Variants in SEC13 observed in about 807,000 individuals in gnomAD.
SEC13 encodes the protein protein SEC13 homolog.
SEC13 carries 25 observed loss-of-function variants against 49.2 expected under a neutral mutation model. The ratio of observed to expected loss-of-function variants is 0.51; its 90% CI spans 0.37 to 0.71. SEC13 has a LOEUF of 0.71. SEC13 is among the 30% of genes least tolerant of loss of function. SEC13 has a pLI of 0.00. For missense variants in SEC13, 383 were observed against 417.6 expected, an observed-to-expected ratio of 0.92 and a Z score of 0.72; for synonymous variants, 148 against 163.9, an observed-to-expected ratio of 0.90 and a Z score of 0.74.
rs59439998 is a variant in SEC13, at chr3:10,301,206, C to G, written c.*55G>C. On this transcript the variant is annotated 3_prime_UTR_variant, in exon 9 of 9. Transcript: ENST00000350697. ...TTCCCAGTTGTCTGGTTAGTTGGCCCAGGAAGGGGCAGTCCTGGAGCTGGC... is the reference window on the plus strand; with the variant it reads ...TTCCCAGTTGTCTGGTTAGTTGGCCGAGGAAGGGGCAGTCCTGGAGCTGGC... The G allele has an allele frequency of 2.5e-4, 406 of 1,613,964 alleles. 2 individuals carry two copies. In the African/African-American group the frequency reaches 4.9e-3, roughly 19 times the overall value.
At chr3:10,306,386 G>A (rs553265869) in intron 5 of SEC13, among the ~76,000 whole-genome samples, 1 of 152,270 alleles carries the variant, frequency 6.6e-6, no homozygotes, top group Admixed American at 6.5e-5. Context: ...GATCCCTTTG[G>A]CAAGACTAGA....
intron 5 of SEC13, among the ~76,000 whole-genome samples, chr3:10,306,993 C>A (rs773522847): frequency 2.0e-5 from 3 of 152,170 alleles, no homozygotes; most frequent in African/African-American, 4.8e-5. Context: ...TTGATTCTTT[C>A]TGAACTGGTT....
At position 10,315,302 on chromosome 3, in the gene SEC13, T is replaced by G. The variant is rs1701531625; in HGVS notation, c.164+19A>C. 1.9e-6 allele frequency: 3 copies of G among 1,575,708 alleles called. No individual in the cohort carries two copies. The highest frequency in any genetic ancestry group is 2.6e-6 in the Non-Finnish European group (3 of 1,145,732). On this transcript the variant is annotated intron_variant, in intron 3 of 8. Coordinates refer to ENST00000350697, the MANE Select transcript of SEC13 (RefSeq NM_183352.3). ...CCACACCATTCCTGGAGCCCTTCCCTGGGCTCGCCAGCACTTACCCCCTGA... is the reference window on the plus strand; with the variant it reads ...CCACACCATTCCTGGAGCCCTTCCCGGGGCTCGCCAGCACTTACCCCCTGA...
Position 10,301,194 on chromosome 3 carries a change from G to C in SEC13, c.*67C>G. 1 of 1,614,046 alleles carries C rather than the reference G, an allele frequency of 6.2e-7. No individual in the cohort carries two copies. Among genetic ancestry groups the C allele is most frequent in the Non-Finnish European group, 8.5e-7 (1 of 1,179,914 alleles). On this transcript the variant is annotated 3_prime_UTR_variant, in exon 9 of 9. Transcript: ENST00000350697. ...AGTTGGGGGCTCTTCCCAGTTGTCT[G>C]GTTAGTTGGCCCAGGAAGGGGCAGT...
Position 10,301,211 on chromosome 3 carries a change from AG to A in SEC13, c.*49del, listed in dbSNP as rs1559487906. ...AGTTGTCTGGTTAGTTGGCCCAGGA[AG>A]GGGCAGTCCTGGAGCTGGCGGGTGG... is the stretch of plus-strand genomic sequence containing the variant. On this transcript the variant is annotated 3_prime_UTR_variant, in exon 9 of 9. Coordinates refer to ENST00000350697, the MANE Select transcript of SEC13 (RefSeq NM_183352.3). The A allele has an allele frequency of 6.2e-7, 1 of 1,614,074 alleles. No individual in the cohort carries two copies. Among genetic ancestry groups the A allele is most frequent in the African/African-American group, 1.3e-5 (1 of 75,032 alleles).
chr3:10,305,738 T>G (rs200137139), intron 5 of SEC13, 46 bp from the exon 6 acceptor site: 13 of 1,609,960 alleles, frequency 8.1e-6, no homozygotes, highest in Non-Finnish European at 1.1e-5. Flanking sequence ...AAGAGAACAC[T>G]GCTTCTGCAG....
chr3:10,311,890 C>G (rs1035968490), intron 5 of SEC13, 75 bp downstream of exon 5: 27 of 1,613,298 alleles, frequency 1.7e-5, no homozygotes, highest in East Asian at 1.1e-4. Context: ...TCCCGTGCCA[C>G]CCTCTAGGGA....
intron 3 of SEC13, among the ~76,000 whole-genome samples, chr3:10,314,353 A>T (rs1361683239): frequency 1.3e-5 from 2 of 152,250 alleles, no homozygotes; most frequent in Non-Finnish European, 2.9e-5. Context: ...TTCAAGCAAC[A>T]AACCCTAGCG....
At chr3:10,316,053 A>G (rs1332515212) in intron 2 of SEC13, among the ~76,000 whole-genome samples, 1 of 152,138 alleles carries the variant, frequency 6.6e-6, no homozygotes, top group Non-Finnish European at 1.5e-5. Context: ...AGCTTCCCAG[A>G]CTTTCCACCC....
At chr3:10,316,800 G>A (rs1271404163) in intron 2 of SEC13, among the ~76,000 whole-genome samples, 3 of 152,026 alleles carry the variant, frequency 2.0e-5, no homozygotes, top group East Asian at 1.9e-4. Context: ...TCGGGAGTTC[G>A]AGACTAGCCT....
intron 2 of SEC13, among the ~76,000 whole-genome samples, 153 bp from the exon 3 acceptor site, chr3:10,315,589 T>C (rs1701555892): frequency 6.6e-6 from 1 of 152,190 alleles, no homozygotes; most frequent in Admixed American, 6.5e-5. Context: ...GAAGCTAGCA[T>C]GTGGACATTC....
At chr3:10,320,504 C>G in intron 1 of SEC13, 1 of 985,620 alleles carries the variant, frequency 1.0e-6, no homozygotes, top group Non-Finnish European at 1.2e-6. Flanking sequence ...AGGTGCCCAT[C>G]CTACCTGGGG....
At position 10,319,214 on chromosome 3, in the gene SEC13, C is replaced by T. The variant is rs759119684; in HGVS notation, c.4-1120G>A. On this transcript the variant is annotated intron_variant, in intron 1 of 8. Transcript: ENST00000350697. ...TGACTTGTGATTTCAGAAAGGCAGA[C>T]AGTGGAAGAGGATGGCTGCAAAGCA... is the stretch of plus-strand genomic sequence containing the variant. 11 of 1,613,772 alleles carry T rather than the reference C, an allele frequency of 6.8e-6. No homozygotes were observed. In the South Asian group the frequency reaches 1.2e-4, roughly 18 times the overall value.
intron 2 of SEC13, among the ~76,000 whole-genome samples, chr3:10,316,777 G>A (rs1387529619): frequency 1.3e-5 from 2 of 152,086 alleles, no homozygotes; most frequent in Non-Finnish European, 1.5e-5. Flanking sequence ...TGAGGCGGGC[G>A]GATCACCTGA....
chr3:10,309,229 G>A (rs912935025), intron 5 of SEC13, among the ~76,000 whole-genome samples: 15 of 152,028 alleles, frequency 9.9e-5, no homozygotes, highest in African/African-American at 3.4e-4. Context: ...GAGCCACTGC[G>A]CCCGGCTGAT....
chr3:10,319,549 G>A (rs1233895735), intron 1 of SEC13, among the ~76,000 whole-genome samples: 1 of 152,030 alleles, frequency 6.6e-6, no homozygotes, highest in African/African-American at 2.4e-5. Context: ...TTCTAATGCT[G>A]AGTCCACAAA....
At position 10,312,017 on chromosome 3, in the gene SEC13, G is replaced by A. The variant is rs368647208; in HGVS notation, c.398C>T (p.Thr133Ile). ...GSSDGAISLL[T>I]YTGEGQWEVK... ...TTCCCATTGGCCTTCCCCGGTGTAA[G>A]TCAGCAGGGAGATGGCCCCATCCGA... The change falls in exon 5 of 9, where the codon ACT becomes ATT. Residue 133 changes from threonine to isoleucine, a missense_variant. Coordinates refer to ENST00000350697, the MANE Select transcript of SEC13 (RefSeq NM_183352.3). The A allele has an allele frequency of 1.2e-6, 2 of 1,614,168 alleles. No homozygotes were observed. The highest frequency in any genetic ancestry group is 1.7e-6 in the Non-Finnish European group (2 of 1,180,026).
rs138539081 is a variant in SEC13, at chr3:10,305,111, C to T, written c.630G>A (p.Ala210=). 9.4e-5 allele frequency: 152 copies of T among 1,613,966 alleles called. No individual in the cohort carries two copies. In the Middle Eastern group the frequency reaches 9.9e-4, roughly 11 times the overall value. The change falls in exon 7 of 9, where the codon GCG becomes GCA. Residue 210 remains alanine, a synonymous_variant. Coordinates refer to ENST00000350697, the MANE Select transcript of SEC13 (RefSeq NM_183352.3). ...CCACATCTCGAACCCAGTCACTGTG[C>T]GCTTCTAGCTTCTGCTCCTCCTTCC... ...GQWKEEQKLE[A]HSDWVRDVAW...
chr3:10,309,094 C>A (rs1202268196), intron 5 of SEC13, among the ~76,000 whole-genome samples: 1 of 151,780 alleles, frequency 6.6e-6, no homozygotes, highest in African/African-American at 2.4e-5. Flanking sequence ...TGCGCCACCA[C>A]GTCTGGCTAA....
Sources: gnomAD v4.1 joint callset for allele counts (sites outside exome capture counted in the v4.1 genomes callset) on GRCh38, gnomAD v4.1.1 for gene constraint, MANE v1.5 for transcripts, NCBI Gene and HGNC (gene_info 2026-07-23, HGNC 2026-07-21) for gene names.